Variants in TNFRSF9 observed in about 807,000 individuals in gnomAD.
The protein encoded by TNFRSF9 is TNF receptor superfamily member 9, also known as tumor necrosis factor receptor superfamily member 9.
A neutral mutation model predicts 28.8 loss-of-function variants in TNFRSF9; 16 were observed. The observed-to-expected ratio is 0.55, with a 90% CI of 0.38 to 0.84. The LOEUF (loss-of-function observed/expected upper bound fraction) is 0.84. Ranked by LOEUF, TNFRSF9 falls within the 40% of genes least tolerant of loss-of-function variation. The pLI is 0.00. For missense variants in TNFRSF9, 303 were observed against 315.0 expected (o/e 0.96, Z 0.29); for synonymous variants, 131 against 117.0 (o/e 1.12, Z -0.77).
intron 7 of TNFRSF9, among the ~76,000 whole-genome samples, chr1:7,925,624 T>C (rs956073819): frequency 2.0e-5 from 3 of 152,196 alleles, no homozygotes; most frequent in African/African-American, 7.2e-5. Flanking sequence ...CCCTGTAATG[T>C]AGAATCAGTG....
At chr1:7,925,450 C>G (rs1310710474) in intron 7 of TNFRSF9, among the ~76,000 whole-genome samples, 4 of 151,968 alleles carry the variant, frequency 2.6e-5, no homozygotes, top group Non-Finnish European at 4.4e-5. Flanking sequence ...AGCAGAGGTC[C>G]CCAACCTTTT....
intron 7 of TNFRSF9, among the ~76,000 whole-genome samples, chr1:7,929,519 C>T (rs1196671683): frequency 1.3e-5 from 2 of 152,104 alleles, no homozygotes; most frequent in African/African-American, 4.8e-5. Context: ...TGAATACACC[C>T]ACCGTATTCC....
At chr1:7,936,441 A>ACAAG (rs953425225) in intron 5 of TNFRSF9, 1 of 160,722 alleles carries the variant, frequency 6.2e-6, no homozygotes, top group Admixed American at 6.3e-5. Context: ...AAACAAACAA[A>ACAAG]CAAAACAAAC....
rs894551290 is a variant in TNFRSF9, at chr1:7,917,960, A to G, written c.*2875T>C. 3 of 132,434 alleles carry G rather than the reference A, an allele frequency of 2.3e-5. No individual in the cohort carries two copies. Among genetic ancestry groups the G allele is most frequent in the Admixed American group, 1.5e-4 (2 of 13,054 alleles). 8.2% of individuals were successfully genotyped at this position (132,434 alleles called of 1,614,324 possible). A position where few individuals can be genotyped will look rare whatever the true frequency, so the allele number is the denominator to read the frequency against. Reference sequence around the variant, plus strand: ...GGGAAAAATAAATTACAAAGGATATATATATATATATATATAGATATAGAT... The same window carrying G: ...GGGAAAAATAAATTACAAAGGATATGTATATATATATATATAGATATAGAT... On this transcript the variant is annotated 3_prime_UTR_variant, in exon 8 of 8. Coordinates refer to ENST00000377507, the MANE Select transcript of TNFRSF9 (RefSeq NM_001561.6).
chr1:7,933,276 A>G lies in TNFRSF9; in HGVS notation c.565T>C (p.Ser189Pro). 5 of 1,613,638 alleles carry G rather than the reference A, an allele frequency of 3.1e-6. No individual in the cohort carries two copies. The African/African-American group carries it at 5.3e-5, about 17-fold the overall frequency. Reference sequence around the variant, plus strand: ...GTCGACGTCAGCGCAAGAAAGAAGGAGATGATCTGCGGAGAGTGTCCTGCA... The same window carrying G: ...GTCGACGTCAGCGCAAGAAAGAAGGGGATGATCTGCGGAGAGTGTCCTGCA... ...REPGHSPQII[S>P]FFLALTSTAL... The change falls in exon 7 of 8, where the codon TCC becomes CCC. Residue 189 changes from serine (S) to proline (P), a missense_variant. By Grantham distance (74) the Ser-to-Pro change is moderately conservative. Coordinates refer to ENST00000377507, the MANE Select transcript of TNFRSF9 (RefSeq NM_001561.6).
At chr1:7,926,171 G>C (rs1639647919) in intron 7 of TNFRSF9, among the ~76,000 whole-genome samples, 1 of 152,156 alleles carries the variant, frequency 6.6e-6, no homozygotes, top group African/African-American at 2.4e-5. Flanking sequence ...AAAGTGTTGG[G>C]ATTACAGACA....
At chr1:7,927,319 C>G (rs886928606) in intron 7 of TNFRSF9, among the ~76,000 whole-genome samples, 2 of 152,156 alleles carry the variant, frequency 1.3e-5, no homozygotes, top group African/African-American at 4.8e-5. Context: ...AACCAAACAC[C>G]AAACGGCTAA....
intron 7 of TNFRSF9, among the ~76,000 whole-genome samples, chr1:7,930,126 C>A (rs226486): frequency 2.0e-5 from 3 of 151,904 alleles, no homozygotes; most frequent in South Asian, 4.2e-4. Context: ...TGCACCACCA[C>A]GCCTGGCTAA....
intron 7 of TNFRSF9, among the ~76,000 whole-genome samples, chr1:7,922,310 G>T (rs1639571766): frequency 1.3e-5 from 2 of 152,164 alleles, no homozygotes; most frequent in South Asian, 4.1e-4. Context: ...CTTCTGGAAA[G>T]ATTGAGATGT....
At chr1:7,924,693 C>A (rs1300012749) in intron 7 of TNFRSF9, among the ~76,000 whole-genome samples, 1 of 151,988 alleles carries the variant, frequency 6.6e-6, no homozygotes, top group Non-Finnish European at 1.5e-5. Flanking sequence ...TCAGGCAGGT[C>A]CTTTGGGAGG....
At chr1:7,921,002 T>C in intron 7 of TNFRSF9, 79 bp from the exon 8 acceptor site, 1 of 1,030,434 alleles carries the variant, frequency 9.7e-7, no homozygotes, top group Non-Finnish European at 1.5e-6. Context: ...AAATTATAGC[T>C]GCAGAACATC....
rs542959102 is a variant in TNFRSF9 at position 7,927,429 on chromosome 1, C to A, written c.679+5733G>T. Among the ~76,000 whole-genome samples, 4 of 152,250 alleles carry A rather than the reference C, an allele frequency of 2.6e-5. No homozygotes were observed. The East Asian group carries it at 7.7e-4, about 29-fold the overall frequency. ...GCTCAGGGCCCTTGTCCACTAGAGG[C>A]AAGGTGCCCCCTGACCCCTTCTTCC... is the stretch of plus-strand genomic sequence containing the variant. On this transcript the variant is annotated intron_variant, in intron 7 of 7. Transcript: ENST00000377507.
At chr1:7,925,046 G>C (rs1558529170) in intron 7 of TNFRSF9, among the ~76,000 whole-genome samples, 1 of 152,098 alleles carries the variant, frequency 6.6e-6, no homozygotes, top group Non-Finnish European at 1.5e-5. Context: ...GGGTGCGGTG[G>C]CTCATGCCTG....
At chr1:7,935,174 A>G (rs1639799393) in intron 5 of TNFRSF9, 31 bp from the exon 6 acceptor site, 1 of 1,605,368 alleles carries the variant, frequency 6.2e-7, no homozygotes, top group Non-Finnish European at 8.5e-7. Flanking sequence ...TAATTTAAAT[A>G]ATTAACTTAG....
chr1:7,933,484 C>G (rs1639767083), intron 6 of TNFRSF9, among the ~76,000 whole-genome samples, 188 bp from the exon 7 acceptor site: 1 of 152,176 alleles, frequency 6.6e-6, no homozygotes, highest in African/African-American at 2.4e-5. Flanking sequence ...CGCCTGTAAT[C>G]CCAACACTTT....
rs936160546 is a variant in TNFRSF9, at chr1:7,920,082, C to T, written c.*753G>A. The T allele has an allele frequency of 1.3e-5, 2 of 152,230 alleles. No homozygotes were observed. Among genetic ancestry groups the T allele is most frequent in the Admixed American group, 6.6e-5 (1 of 15,266 alleles). 9.4% of individuals were successfully genotyped at this position (152,230 alleles called of 1,614,324 possible). On this transcript the variant is annotated 3_prime_UTR_variant, in exon 8 of 8. Transcript: ENST00000377507. Reference sequence around the variant, plus strand: ...CTCATACTCCCCCCTGACGGTGGAGCATGTCGTGTTACATGACAGAACCCA... The same window carrying T: ...CTCATACTCCCCCCTGACGGTGGAGTATGTCGTGTTACATGACAGAACCCA...
intron 2 of TNFRSF9, among the ~76,000 whole-genome samples, chr1:7,939,319 C>CAAA (rs34622301): frequency 9.6e-6 from 1 of 103,988 alleles, no homozygotes; most frequent in African/African-American, 3.7e-5. Flanking sequence ...GACTGTGTCT[C>CAAA]AAAAAAAAAA....
intron 7 of TNFRSF9, among the ~76,000 whole-genome samples, chr1:7,923,861 C>A (rs1240108155): frequency 6.6e-6 from 1 of 151,980 alleles, no homozygotes. Flanking sequence ...TTTTTTTTTA[C>A]TTAGGCCTAA....
Position 7,938,254 on chromosome 1 carries a change from C to G in TNFRSF9, c.285G>C (p.Leu95=). The G allele has an allele frequency of 6.2e-7, 1 of 1,608,604 alleles. No homozygotes were observed. The highest frequency in any genetic ancestry group is 1.3e-5 in the African/African-American group (1 of 74,724). The part of the protein sequence containing the change: ...ECDCTPGFHC[L]GAGCSMCEQD... The stretch of plus-strand genomic sequence containing the variant: ...GTTCACACATGCTGCATCCTGCCCC[C>G]AGGCAGTGAAACCCTGGAGTGCAGT... The change falls in exon 4 of 8, where the codon CTG becomes CTC. Residue 95 remains leucine, a synonymous_variant. Transcript: ENST00000377507.
Sources: allele counts gnomAD v4.1 joint callset (sites outside exome capture counted in the v4.1 genomes callset), GRCh38; gene constraint gnomAD v4.1.1; transcripts MANE v1.5; gene names NCBI Gene and HGNC (gene_info 2026-07-23, HGNC 2026-07-21).